ZFHX3: variants seen among roughly 807,000 people sequenced by gnomAD.
ZFHX3 encodes zinc finger homeobox protein 3.
ZFHX3 carries 42 observed loss-of-function variants against 279.1 expected under a neutral mutation model. That is an observed-to-expected ratio of 0.15 (90% confidence interval 0.12 to 0.19). The LOEUF (loss-of-function observed/expected upper bound fraction) is 0.19. ZFHX3 is among the 10% of genes least tolerant of loss of function. The probability of loss-of-function intolerance (pLI) is 1.00; values close to 1 mark genes in which losing one functional copy is unlikely to be tolerated. For synonymous variants in ZFHX3, 2,293 were observed against 1,957.8 expected, an observed-to-expected ratio of 1.17 and a Z score of -4.52; for missense variants, 4,981 against 4,754.0, an observed-to-expected ratio of 1.05 and a Z score of -1.40.
intron 2 of ZFHX3, among the ~76,000 whole-genome samples, chr16:73,592,886 C>T (rs2052013976): frequency 6.6e-6 from 1 of 150,878 alleles, no homozygotes; most frequent in East Asian, 1.9e-4. Context: ...ACTGGTAAGA[C>T]AAACCAAGAA....
chr16:72,803,741 C>T (rs1002793166), intron 7 of ZFHX3, among the ~76,000 whole-genome samples: 1 of 152,194 alleles, frequency 6.6e-6, no homozygotes, highest in Non-Finnish European at 1.5e-5. Context: ...ACATTTAATA[C>T]ATTAAATTAT....
chr16:72,867,932 A>AAGG (rs1001454447), intron 4 of ZFHX3, among the ~76,000 whole-genome samples: 1 of 152,220 alleles, frequency 6.6e-6, no homozygotes, highest in African/African-American at 2.4e-5. Context: ...AGAGTCTGCC[A>AAGG]AGGAACCCAC....
chr16:73,585,107 T>A (rs2051910761), intron 2 of ZFHX3, among the ~76,000 whole-genome samples: 1 of 152,150 alleles, frequency 6.6e-6, no homozygotes, highest in African/African-American at 2.4e-5. Context: ...AGAGACAGGA[T>A]CACTTTTACA....
intron 2 of ZFHX3, among the ~76,000 whole-genome samples, chr16:73,603,271 C>T (rs532936502): frequency 5.6e-4 from 81 of 143,670 alleles, no homozygotes; most frequent in Non-Finnish European, 9.1e-4. Flanking sequence ...GGCAACAGAG[C>T]GAGACTCCAT....
intron 1 of ZFHX3, among the ~76,000 whole-genome samples, chr16:73,784,696 A>G (rs1959579863): frequency 6.6e-6 from 1 of 151,756 alleles, no homozygotes; most frequent in Admixed American, 6.6e-5. Flanking sequence ...GCAGTGAGCC[A>G]AGATTGCTCC....
chr16:73,401,795 G>T (rs1215007054), intron 3 of ZFHX3: 1 of 152,194 alleles, frequency 6.6e-6, no homozygotes, highest in Non-Finnish European at 1.5e-5. Flanking sequence ...TTGGGTAATT[G>T]TTCCTCATGC....
intron 5 of ZFHX3, among the ~76,000 whole-genome samples, chr16:73,169,487 A>G (rs1034567960): frequency 2.6e-5 from 4 of 152,178 alleles, no homozygotes; most frequent in African/African-American, 9.6e-5. Flanking sequence ...CTAAAATCCA[A>G]AAAAATTAGC....
chr16:73,852,920 G>A (rs1171925031), intron 1 of ZFHX3, among the ~76,000 whole-genome samples: 2 of 152,066 alleles, frequency 1.3e-5, no homozygotes, highest in Non-Finnish European at 1.5e-5. Flanking sequence ...TCTGACACAG[G>A]ACTAACATCC....
At chr16:73,570,642 T>C (rs1051328339) in intron 2 of ZFHX3, among the ~76,000 whole-genome samples, 4 of 152,190 alleles carry the variant, frequency 2.6e-5, no homozygotes, top group Admixed American at 1.3e-4. Context: ...GCTTGATCTT[T>C]CTATATTAAA....
Position 72,783,265 on chromosome 16 carries a change from T to G in ZFHX3, c.*3899A>C, listed in dbSNP as rs1289276592. The G allele has an allele frequency of 6.6e-6, 1 of 152,542 alleles. No homozygotes were observed. Among genetic ancestry groups the G allele is most frequent in the Non-Finnish European group, 1.5e-5 (1 of 68,028 alleles). The allele number at this position is 152,542 out of a possible 1,614,324, so 9.4% of individuals were successfully genotyped here. A position where few individuals can be genotyped will look rare whatever the true frequency, so the allele number is the denominator to read the frequency against. ...CTCAGGGTCACGTTCATTTATGCTT[T>G]CTTTCCTACCCAAACTTGCCCCCCT... is the stretch of plus-strand genomic sequence containing the variant. On this transcript the variant is annotated 3_prime_UTR_variant, in exon 10 of 10. Transcript: ENST00000268489.
At chr16:73,780,242 G>A (rs1959419117) in intron 1 of ZFHX3, among the ~76,000 whole-genome samples, 1 of 141,248 alleles carries the variant, frequency 7.1e-6, no homozygotes, top group African/African-American at 2.7e-5. Context: ...CCGCCTCCTG[G>A]GTTCAAGTGA....
intron 3 of ZFHX3, among the ~76,000 whole-genome samples, chr16:73,371,755 C>T (rs777887472): frequency 6.6e-5 from 10 of 152,182 alleles, no homozygotes; most frequent in African/African-American, 2.2e-4. Flanking sequence ...TTCCATACCT[C>T]GCTCCACTTC....
chr16:73,589,655 G>C (rs1280882644), intron 2 of ZFHX3, among the ~76,000 whole-genome samples: 1 of 134,488 alleles, frequency 7.4e-6, no homozygotes. Context: ...GCATGAATCC[G>C]GGACATGGAG....
chr16:72,856,479 G>T lies in ZFHX3; in HGVS notation c.3449-26620C>A, dbSNP rs75310956. Among the ~76,000 whole-genome samples, 452 of 152,332 alleles carry T rather than the reference G, an allele frequency of 3.0e-3. 23 individuals carry two copies. The East Asian group carries it at 0.081, about 27-fold the overall frequency. On this transcript the variant is annotated intron_variant, in intron 4 of 9. Transcript: ENST00000268489. ...TGCCTCTTTTAACTAAGAGGGATACGCAGGAGCTTAGATGCCTTCAAAATC... is the reference window on the plus strand; with the variant it reads ...TGCCTCTTTTAACTAAGAGGGATACTCAGGAGCTTAGATGCCTTCAAAATC...
intron 5 of ZFHX3, among the ~76,000 whole-genome samples, chr16:73,230,239 G>T (rs1237283870): frequency 1.3e-5 from 2 of 152,182 alleles, no homozygotes; most frequent in Non-Finnish European, 2.9e-5. Context: ...AATTTGGAAT[G>T]AAATTGCAGA....
At chr16:73,866,289 C>A (rs535769120) in intron 1 of ZFHX3, among the ~76,000 whole-genome samples, 1 of 148,740 alleles carries the variant, frequency 6.7e-6, no homozygotes, top group East Asian at 2.0e-4. Context: ...AAGGGATTCT[C>A]CTGCCTCAGC....
At chr16:72,987,496 T>A (rs1962898185) in intron 1 of ZFHX3, among the ~76,000 whole-genome samples, 1 of 152,108 alleles carries the variant, frequency 6.6e-6, no homozygotes, top group African/African-American at 2.4e-5. Context: ...CCTATTTTCT[T>A]CCCATTCAGC....
intron 4 of ZFHX3, among the ~76,000 whole-genome samples, chr16:73,272,897 C>A (rs527450429): frequency 6.6e-6 from 1 of 152,078 alleles, no homozygotes; most frequent in African/African-American, 2.4e-5. Context: ...CAGGCAGGTG[C>A]CATCACACCT....
chr16:72,842,720 T>C (rs1257343990), intron 4 of ZFHX3, among the ~76,000 whole-genome samples: 1 of 152,020 alleles, frequency 6.6e-6, no homozygotes, highest in Non-Finnish European at 1.5e-5. Context: ...ATTAAATATA[T>C]ATTATGGTAG....
Sources: allele counts gnomAD v4.1 joint callset (sites outside exome capture counted in the v4.1 genomes callset), GRCh38; gene constraint gnomAD v4.1.1; transcripts MANE v1.5; gene names NCBI Gene and HGNC (gene_info 2026-07-23, HGNC 2026-07-21).